Variants in SLC25A13 observed in about 807,000 individuals in gnomAD.
SLC25A13 encodes the protein solute carrier family 25 member 13.
SLC25A13 carries 70 observed loss-of-function variants against 85.5 expected under a neutral mutation model. That is an observed-to-expected ratio of 0.82 (90% CI 0.68 to 1.00). The LOEUF (loss-of-function observed/expected upper bound fraction) is 1.00. SLC25A13 is among the 50% of genes least tolerant of loss of function. The pLI, the probability that SLC25A13 is intolerant of heterozygous loss-of-function variation, is 0.00. For synonymous variants in SLC25A13, 259 were observed against 288.7 expected, an observed-to-expected ratio of 0.90 and a Z score of 1.04; for missense variants, 765 against 819.8, an observed-to-expected ratio of 0.93 and a Z score of 0.82.
chr7:96,184,203 G>A (rs959396110), intron 11 of SLC25A13, 74 bp downstream of exon 11: 9 of 1,541,840 alleles, frequency 5.8e-6, no homozygotes, highest in Non-Finnish European at 8.1e-6. Flanking sequence ...GCTAATTCAT[G>A]TCAGGCACTA....
intron 12 of SLC25A13, among the ~76,000 whole-genome samples, chr7:96,171,134 G>A (rs1237621156): frequency 2.0e-5 from 3 of 152,182 alleles, no homozygotes; most frequent in Non-Finnish European, 2.9e-5. Context: ...TTCCTTATCC[G>A]TAAACTGTGG....
At chr7:96,306,774 T>C (rs1799759978) in intron 1 of SLC25A13, 2 of 1,219,772 alleles carry the variant, frequency 1.6e-6, no homozygotes, top group Non-Finnish European at 2.4e-6. Context: ...TTTTGCCCTC[T>C]GATACCTCCT....
intron 15 of SLC25A13, among the ~76,000 whole-genome samples, chr7:96,125,922 C>G (rs1405566380): frequency 6.6e-6 from 1 of 152,058 alleles, no homozygotes; most frequent in East Asian, 1.9e-4. Flanking sequence ...TCTGAGGACT[C>G]TAATTAATTA....
At chr7:96,157,060 G>A (rs891228830) in intron 13 of SLC25A13, among the ~76,000 whole-genome samples, 1 of 152,134 alleles carries the variant, frequency 6.6e-6, no homozygotes, top group African/African-American at 2.4e-5. Flanking sequence ...TGTATCGGAA[G>A]TCCATGATCT....
intron 3 of SLC25A13, among the ~76,000 whole-genome samples, chr7:96,268,823 G>T (rs1199838432): frequency 6.6e-6 from 1 of 152,074 alleles, no homozygotes; most frequent in African/African-American, 2.4e-5. Context: ...CATGCTCCAG[G>T]CAAGCCAGCC....
At chr7:96,241,612 G>A (rs1797001539) in intron 3 of SLC25A13, among the ~76,000 whole-genome samples, 1 of 152,030 alleles carries the variant, frequency 6.6e-6, no homozygotes, top group South Asian at 2.1e-4. Flanking sequence ...TGTTGGCAGT[G>A]GATATCATCT....
At position 96,169,846 on chromosome 7, in the gene SLC25A13, G is replaced by A. The variant is rs937766740; in HGVS notation, c.1311+199C>T. On this transcript the variant is annotated intron_variant, in intron 13 of 17. Coordinates refer to ENST00000265631, the MANE Select transcript of SLC25A13 (RefSeq NM_014251.3). ...GAATTTAACAGGCATGACTTAACAG[G>A]CAGTAAGGTCAGAAACATTTACCCT... The A allele has an allele frequency of 6.6e-6, 4 of 605,950 alleles. No homozygotes were observed. The Admixed American group carries it at 1.2e-4, about 18-fold the overall frequency. The allele number at this position is 605,950 out of a possible 1,614,324, so 37.5% of individuals were successfully genotyped here.
chr7:96,262,781 C>T lies in SLC25A13; in HGVS notation c.212+14415G>A, dbSNP rs116909782. 6.9e-4 allele frequency among the ~76,000 whole-genome samples: 105 copies of T among 152,282 alleles called. 2 individuals are homozygous for T. The East Asian group carries it at 0.02, about 29-fold the overall frequency. ...GTTTCATGGTAGAGCAGATTGAGCA[C>T]AAGCCAGAAAGAACTGGGTCGAAAT... On this transcript the variant is annotated intron_variant, in intron 3 of 17. Coordinates refer to ENST00000265631, the MANE Select transcript of SLC25A13 (RefSeq NM_014251.3).
At chr7:96,267,228 T>C (rs1185414019) in intron 3 of SLC25A13, among the ~76,000 whole-genome samples, 2 of 152,202 alleles carry the variant, frequency 1.3e-5, no homozygotes, top group Non-Finnish European at 2.9e-5. Context: ...GGCCAAGGCC[T>C]GGATTTCATC....
intron 11 of SLC25A13, among the ~76,000 whole-genome samples, chr7:96,172,884 G>A (rs953183558): frequency 7.9e-5 from 12 of 152,024 alleles, no homozygotes; most frequent in Middle Eastern, 3.4e-3. Flanking sequence ...TCAGCCTCCC[G>A]AGTAGCTGGG....
At chr7:96,276,468 C>T (rs1798454665) in intron 3 of SLC25A13, among the ~76,000 whole-genome samples, 1 of 152,042 alleles carries the variant, frequency 6.6e-6, no homozygotes, top group South Asian at 2.1e-4. Context: ...CAAAAAAATA[C>T]AAAAATTAGC....
intron 1 of SLC25A13, among the ~76,000 whole-genome samples, chr7:96,318,864 C>T (rs1432068122): frequency 1.3e-5 from 2 of 152,196 alleles, no homozygotes; most frequent in African/African-American, 2.4e-5. Flanking sequence ...AGAGTCTCAG[C>T]CCAATTTCCT....
At chr7:96,149,141 A>T (rs1333823745) in intron 13 of SLC25A13, among the ~76,000 whole-genome samples, 4 of 152,220 alleles carry the variant, frequency 2.6e-5, no homozygotes. Flanking sequence ...GAATCCCTGC[A>T]CTACACCATC....
At chr7:96,148,636 G>A (rs548615803) in intron 13 of SLC25A13, among the ~76,000 whole-genome samples, 69 of 152,318 alleles carry the variant, frequency 4.5e-4, no homozygotes, top group African/African-American at 1.5e-3. Context: ...TAGAATTGCT[G>A]AGAAAGATTC....
intron 13 of SLC25A13, among the ~76,000 whole-genome samples, chr7:96,151,928 A>G (rs1489006662): frequency 3.3e-5 from 5 of 152,132 alleles, no homozygotes; most frequent in Non-Finnish European, 5.9e-5. Context: ...CTGAGTGACA[A>G]AGCAAGACTC....
chr7:96,154,222 T>A (rs889432296), intron 13 of SLC25A13, among the ~76,000 whole-genome samples: 2 of 152,054 alleles, frequency 1.3e-5, no homozygotes, highest in Non-Finnish European at 2.9e-5. Context: ...GTGTCAGAAA[T>A]TTTTAAAGTT....
intron 14 of SLC25A13, among the ~76,000 whole-genome samples, chr7:96,140,145 A>C (rs1286824220): frequency 6.7e-6 from 1 of 149,276 alleles, no homozygotes; most frequent in Non-Finnish European, 1.5e-5. Flanking sequence ...GTTTTAGTAG[A>C]GACGGGGTTT....
intron 1 of SLC25A13, among the ~76,000 whole-genome samples, chr7:96,311,007 T>C (rs1799926858): frequency 6.6e-6 from 1 of 152,182 alleles, no homozygotes; most frequent in Non-Finnish European, 1.5e-5. Context: ...CTAAACCCAT[T>C]AATATCCAAT....
chr7:96,253,675 A>G (rs1048124312), intron 3 of SLC25A13, among the ~76,000 whole-genome samples: 6 of 152,166 alleles, frequency 3.9e-5, no homozygotes, highest in Non-Finnish European at 8.8e-5. Context: ...AGGGAAGCAG[A>G]CAGCATAGGA....
Sources: allele counts gnomAD v4.1 joint callset (sites outside exome capture counted in the v4.1 genomes callset), GRCh38; gene constraint gnomAD v4.1.1; transcripts MANE v1.5; gene names NCBI Gene and HGNC (gene_info 2026-07-23, HGNC 2026-07-21).